NR2F1-AS1: variants seen among roughly 807,000 people sequenced by gnomAD.
NR2F1-AS1 encodes the protein NR2F1 regulatory antisense RNA 1, also known as NR2F1 antisense RNA 1.
chr5:93,470,853 T>C (rs1580254772), intron 4 of NR2F1-AS1, among the ~76,000 whole-genome samples: 2 of 151,888 alleles, frequency 1.3e-5, no homozygotes, highest in African/African-American at 4.8e-5. Context: ...CTGTAATGTA[T>C]ATTGCCGATA....
intron 4 of NR2F1-AS1, among the ~76,000 whole-genome samples, chr5:93,426,657 C>T (rs1362084634): frequency 9.9e-5 from 15 of 152,168 alleles, no homozygotes; most frequent in Non-Finnish European, 1.6e-4. Context: ...ACACCCAACA[C>T]TCATATCAAA....
At chr5:93,451,072 T>C (rs1457251026) in intron 4 of NR2F1-AS1, among the ~76,000 whole-genome samples, 1 of 152,192 alleles carries the variant, frequency 6.6e-6, no homozygotes, top group Admixed American at 6.5e-5. Context: ...CAAACACTAA[T>C]GAGGTGATTT....
chr5:93,475,387 T>C (rs1430888810), intron 4 of NR2F1-AS1, among the ~76,000 whole-genome samples: 1 of 152,152 alleles, frequency 6.6e-6, no homozygotes, highest in Admixed American at 6.5e-5. Context: ...CAAAGGAATT[T>C]TGTTGCTTTT....
intron 4 of NR2F1-AS1, among the ~76,000 whole-genome samples, chr5:93,424,259 GT>G (rs1489910329): frequency 6.6e-6 from 1 of 151,608 alleles, no homozygotes; most frequent in African/African-American, 2.4e-5. Context: ...TAGCACACCT[GT>G]TTTCAAATGA....
chr5:93,479,734 A>G (rs1303792101), intron 4 of NR2F1-AS1, among the ~76,000 whole-genome samples: 1 of 152,226 alleles, frequency 6.6e-6, no homozygotes, highest in Non-Finnish European at 1.5e-5. Context: ...CTTTAAATTA[A>G]CTGGCTTAAA....
chr5:93,475,306 T>C (rs926142523), intron 4 of NR2F1-AS1, among the ~76,000 whole-genome samples: 7 of 152,044 alleles, frequency 4.6e-5, no homozygotes, highest in African/African-American at 2.4e-5. Context: ...GCCGTGTCTT[T>C]TAAACACACA....
intron 4 of NR2F1-AS1, among the ~76,000 whole-genome samples, chr5:93,487,873 A>G (rs541967810): frequency 6.6e-6 from 1 of 152,324 alleles, no homozygotes; most frequent in South Asian, 2.1e-4. Flanking sequence ...TCAAAACAGC[A>G]TGGTACTGGT....
At chr5:93,428,256 C>T (rs979102100) in intron 4 of NR2F1-AS1, among the ~76,000 whole-genome samples, 1 of 152,130 alleles carries the variant, frequency 6.6e-6, no homozygotes, top group Non-Finnish European at 1.5e-5. Context: ...GGAGGTACAG[C>T]AAATGATTGT....
chr5:93,542,206 G>A (rs1217869599), intron 4 of NR2F1-AS1: 2 of 150,490 alleles, frequency 1.3e-5, no homozygotes, highest in African/African-American at 2.5e-5. Flanking sequence ...TTCTGTAATT[G>A]GAATGTAAAA....
At chr5:93,566,527 T>C (rs766922332) in intron 1 of NR2F1-AS1, among the ~76,000 whole-genome samples, 9 of 152,036 alleles carry the variant, frequency 5.9e-5, no homozygotes, top group Non-Finnish European at 1.0e-4. Context: ...ATTAAATATA[T>C]GCAAAACGCT....
At chr5:93,505,595 C>T (rs905908414) in intron 4 of NR2F1-AS1, among the ~76,000 whole-genome samples, 1 of 152,240 alleles carries the variant, frequency 6.6e-6, no homozygotes, top group Non-Finnish European at 1.5e-5. Context: ...CAATTCTTGA[C>T]TTCTGTGCCC....
At chr5:93,554,517 T>A (rs1752305075) in intron 3 of NR2F1-AS1, among the ~76,000 whole-genome samples, 2 of 152,212 alleles carry the variant, frequency 1.3e-5, no homozygotes, top group Non-Finnish European at 2.9e-5. Flanking sequence ...AAAATATTAC[T>A]GGAAGACATT....
intron 4 of NR2F1-AS1, among the ~76,000 whole-genome samples, chr5:93,477,145 G>A (rs1750502031): frequency 6.6e-6 from 1 of 152,142 alleles, no homozygotes; most frequent in Non-Finnish European, 1.5e-5. Context: ...TGCACTAACA[G>A]AAGGCCCATG....
At chr5:93,496,135 T>C (rs1156675887) in intron 4 of NR2F1-AS1, 1 of 152,184 alleles carries the variant, frequency 6.6e-6, no homozygotes, top group Non-Finnish European at 1.5e-5. Context: ...GTGAAATGTA[T>C]AAGAAACTTT....
intron 1 of NR2F1-AS1, among the ~76,000 whole-genome samples, chr5:93,569,103 T>C (rs889265770): frequency 6.6e-6 from 1 of 152,052 alleles, no homozygotes; most frequent in Non-Finnish European, 1.5e-5. Flanking sequence ...AGGTTTGAGG[T>C]ACACACGCAC....
At chr5:93,462,584 G>A (rs1750120286) in intron 4 of NR2F1-AS1, among the ~76,000 whole-genome samples, 1 of 152,062 alleles carries the variant, frequency 6.6e-6, no homozygotes, top group African/African-American at 2.4e-5. Flanking sequence ...GGGACAGTTT[G>A]GAGGGTTCAA....
At chr5:93,512,866 A>G (rs1361970832) in intron 4 of NR2F1-AS1, among the ~76,000 whole-genome samples, 1 of 152,204 alleles carries the variant, frequency 6.6e-6, no homozygotes, top group African/African-American at 2.4e-5. Flanking sequence ...TATACCATGT[A>G]GGTTTGCGTA....
intron 4 of NR2F1-AS1, among the ~76,000 whole-genome samples, chr5:93,523,174 T>C (rs915265903): frequency 1.3e-5 from 2 of 152,082 alleles, no homozygotes; most frequent in African/African-American, 4.8e-5. Context: ...GAGGGGTGTC[T>C]GCCATTACTG....
chr5:93,511,036 T>C (rs1256844654), intron 4 of NR2F1-AS1, among the ~76,000 whole-genome samples: 2 of 152,188 alleles, frequency 1.3e-5, no homozygotes, highest in African/African-American at 4.8e-5. Flanking sequence ...TCACCTTTCA[T>C]AAAATATACA....
Sources: allele counts gnomAD v4.1 joint callset (sites outside exome capture counted in the v4.1 genomes callset), GRCh38; gene constraint gnomAD v4.1.1; transcripts MANE v1.5; gene names NCBI Gene and HGNC (gene_info 2026-07-23, HGNC 2026-07-21).